The following BTBD8 variants were observed in gnomAD, a reference collection of about 807,000 sequenced individuals.
BTBD8 encodes the protein BTB/POZ domain-containing protein 8.
Under a neutral mutation model 162.9 loss-of-function variants are expected in BTBD8, and 110 were observed. That is an observed-to-expected ratio of 0.68 (90% confidence interval 0.58 to 0.79). BTBD8 has a LOEUF of 0.79. BTBD8 is among the 30% of genes least tolerant of loss of function. The pLI is 0.00. For missense variants in BTBD8, 1,905 were observed against 2,085.4 expected, an observed-to-expected ratio of 0.91 and a Z score of 1.68; for synonymous variants, 667 against 716.1, an observed-to-expected ratio of 0.93 and a Z score of 1.10.
intron 13 of BTBD8, among the ~76,000 whole-genome samples, chr1:92,172,094 A>G (rs541608674): frequency 6.6e-6 from 1 of 151,678 alleles, no homozygotes; most frequent in East Asian, 1.9e-4. Context: ...TCCATCTCAA[A>G]CAAAAAAAAA....
intron 2 of BTBD8, among the ~76,000 whole-genome samples, chr1:92,093,550 T>C (rs1345808841): frequency 6.6e-6 from 1 of 152,200 alleles, no homozygotes; most frequent in African/African-American, 2.4e-5. Context: ...AGAGTTGTTA[T>C]AAGAACAAGC....
At position 92,176,950 on chromosome 1, in the gene BTBD8, C is replaced by T. The variant is rs1252619073; in HGVS notation, c.1757C>T (p.Ala586Val). The change falls in exon 14 of 18, where the codon GCA becomes GTA. Residue 586 changes from alanine to valine, a missense_variant. Physicochemically the swap from Ala to Val is moderately conservative, Grantham distance 64. Coordinates refer to ENST00000636805, the MANE Select transcript of BTBD8 (RefSeq NM_001376131.1). ...NKKMKSDGLGASGHSSSTNRN... is the reference protein window; with the variant it reads ...NKKMKSDGLGVSGHSSSTNRN... ...AAGATGAAATCTGATGGATTAGGAG[C>T]ATCTGGACATTCGTCAAGTACCAAT... 1.3e-6 allele frequency: 2 copies of T among 1,544,180 alleles called. No homozygotes were observed. Among genetic ancestry groups the T allele is most frequent in the Admixed American group, 4.0e-5 (2 of 50,134 alleles).
rs1650426116 is a variant in BTBD8 at position 92,167,924 on chromosome 1, A to G, written c.1382A>G (p.Asn461Ser). ...KAIEENITTENSCSLLMALDT... is the reference protein window; with the variant it reads ...KAIEENITTESSCSLLMALDT... ...ATTGAAGAAAATATCACCACTGAAAATAGCTGCTCTCTTCTTATGGCTCTG... is the reference window on the plus strand; with the variant it reads ...ATTGAAGAAAATATCACCACTGAAAGTAGCTGCTCTCTTCTTATGGCTCTG... Residue 461 changes from asparagine (N) to serine (S), a missense_variant, in exon 11 of 18, where the codon AAT (asparagine) becomes AGT (serine). By Grantham distance (46) the Asn-to-Ser change is conservative. Coordinates refer to ENST00000636805, the MANE Select transcript of BTBD8 (RefSeq NM_001376131.1). 6.4e-7 allele frequency: 1 copy of G among 1,551,052 alleles called. No homozygotes were observed.
At chr1:92,142,868 C>T (rs1199279175) in intron 7 of BTBD8, among the ~76,000 whole-genome samples, 1 of 152,242 alleles carries the variant, frequency 6.6e-6, no homozygotes, top group Non-Finnish European at 1.5e-5. Context: ...CTACTACCAT[C>T]TTGGTCTCTG....
chr1:92,120,062 G>A (rs1314980248), intron 4 of BTBD8, among the ~76,000 whole-genome samples: 3 of 151,416 alleles, frequency 2.0e-5, no homozygotes, highest in African/African-American at 7.3e-5. Context: ...CACCACGCCC[G>A]GCTAATTTTT....
At chr1:92,160,424 G>C (rs1012248167) in intron 9 of BTBD8, among the ~76,000 whole-genome samples, 1 of 151,826 alleles carries the variant, frequency 6.6e-6, no homozygotes, top group African/African-American at 2.4e-5. Flanking sequence ...GACTCTCTTT[G>C]TATCTGCACA....
chr1:92,184,426 TTTAATA>T lies in BTBD8; in HGVS notation c.*99_*104del, dbSNP rs1238419621. 3 of 735,454 alleles carry T rather than the reference TTTAATA, an allele frequency of 4.1e-6. No homozygotes were observed. Among genetic ancestry groups the T allele is most frequent in the Non-Finnish European group, 6.5e-6 (3 of 461,648 alleles). 45.6% of individuals were successfully genotyped at this position (735,454 alleles called of 1,614,324 possible). A position where few individuals can be genotyped will look rare whatever the true frequency, so the allele number is the denominator to read the frequency against. On this transcript the variant is annotated 3_prime_UTR_variant, in exon 18 of 18. Coordinates refer to ENST00000636805, the MANE Select transcript of BTBD8 (RefSeq NM_001376131.1). The stretch of plus-strand genomic sequence containing the variant: ...TTGCATTAGCCGGATATAAACTTTC[TTTAATA>T]TTGAGTCTTTCCAATTTAATGAGGT...
intron 4 of BTBD8, among the ~76,000 whole-genome samples, chr1:92,119,851 C>T (rs1464465730): frequency 6.9e-6 from 1 of 145,194 alleles, no homozygotes; most frequent in African/African-American, 2.6e-5. Flanking sequence ...TCATGATCTG[C>T]CCGAGGGATT....
chr1:92,173,421 G>A (rs556939424), intron 13 of BTBD8, among the ~76,000 whole-genome samples: 2 of 152,264 alleles, frequency 1.3e-5, no homozygotes, highest in East Asian at 3.9e-4. Flanking sequence ...GGTGCACTAG[G>A]ACATTTTTTT....
Position 92,176,968 on chromosome 1 carries a change from G to A in BTBD8, c.1775G>A (p.Ser592Asn). 1 of 1,547,614 alleles carries A rather than the reference G, an allele frequency of 6.5e-7. No individual in the cohort carries two copies. The highest frequency in any genetic ancestry group is 8.7e-7 in the Non-Finnish European group (1 of 1,145,014). Reference sequence around the variant, plus strand: ...TTAGGAGCATCTGGACATTCGTCAAGTACCAATAGAAATAGTATAAATAAA... The same window carrying A: ...TTAGGAGCATCTGGACATTCGTCAAATACCAATAGAAATAGTATAAATAAA... The part of the protein sequence containing the change: ...DGLGASGHSS[S>N]TNRNSINKTL... The change falls in exon 14 of 18, where the codon AGT becomes AAT. Residue 592 changes from serine to asparagine, a missense_variant. This residue lies in a region of BTBD8 where 1,374 missense variants were observed against 1,442.7 expected (regional missense o/e 0.95). Coordinates refer to ENST00000636805, the MANE Select transcript of BTBD8 (RefSeq NM_001376131.1).
At chr1:92,144,859 A>G (rs1649872586) in intron 7 of BTBD8, among the ~76,000 whole-genome samples, 1 of 151,874 alleles carries the variant, frequency 6.6e-6, no homozygotes, top group Non-Finnish European at 1.5e-5. Flanking sequence ...ACACACGTAT[A>G]TATTTTATAT....
At chr1:92,119,287 CTTTT>C (rs905843721) in intron 4 of BTBD8, among the ~76,000 whole-genome samples, 4 of 132,868 alleles carry the variant, frequency 3.0e-5, no homozygotes, top group Non-Finnish European at 4.9e-5. Context: ...TTCTTTTTTT[CTTTT>C]TTTTTTTTTT....
Position 92,182,568 on chromosome 1 carries a change from G to C in BTBD8, c.4885G>C (p.Glu1629Gln). 2.7e-6 allele frequency: 4 copies of C among 1,507,148 alleles called. No individual in the cohort carries two copies. The South Asian group carries it at 5.3e-5, about 20-fold the overall frequency. 93.4% of individuals were successfully genotyped at this position (1,507,148 alleles called of 1,614,324 possible). A position where few individuals can be genotyped will look rare whatever the true frequency, so the allele number is the denominator to read the frequency against. The change falls in exon 17 of 18, where the codon GAA (glutamate) becomes CAA (glutamine). Residue 1629 changes from glutamate (E) to glutamine (Q), a missense_variant. Coordinates refer to ENST00000636805, the MANE Select transcript of BTBD8 (RefSeq NM_001376131.1). Reference protein sequence around the residue: ...PVKESHSTTTEKANIALSAGD... With the variant: ...PVKESHSTTTQKANIALSAGD... Reference sequence around the variant, plus strand: ...GAAAGAGAGCCATTCTACAACTACTGAAAAAGCTAATATTGCTTTATCTGC... The same window carrying C: ...GAAAGAGAGCCATTCTACAACTACTCAAAAAGCTAATATTGCTTTATCTGC...
chr1:92,090,261 A>G (rs1465239622), intron 2 of BTBD8, among the ~76,000 whole-genome samples: 3 of 151,208 alleles, frequency 2.0e-5, no homozygotes, highest in Admixed American at 6.6e-5. Flanking sequence ...CCCACTAGCA[A>G]TGTACAAGGG....
Position 92,167,928 on chromosome 1 carries a change from C to T in BTBD8, c.1386C>T (p.Ser462=), listed in dbSNP as rs756464307. 2.6e-6 allele frequency: 4 copies of T among 1,550,638 alleles called. No individual in the cohort carries two copies. The South Asian group carries it at 4.8e-5, about 18-fold the overall frequency. Reference sequence around the variant, plus strand: ...AAGAAAATATCACCACTGAAAATAGCTGCTCTCTTCTTATGGCTCTGGACA... The same window carrying T: ...AAGAAAATATCACCACTGAAAATAGTTGCTCTCTTCTTATGGCTCTGGACA... The part of the protein sequence containing the change: ...AIEENITTEN[S]CSLLMALDTL... Residue 462 remains serine (S), a synonymous_variant, in exon 11 of 18, where the codon AGC becomes AGT. Coordinates refer to ENST00000636805, the MANE Select transcript of BTBD8 (RefSeq NM_001376131.1).
At chr1:92,083,976 T>A (rs1474736361) in intron 1 of BTBD8, among the ~76,000 whole-genome samples, 1 of 152,178 alleles carries the variant, frequency 6.6e-6, no homozygotes, top group East Asian at 1.9e-4. Flanking sequence ...TCCAGCAAGC[T>A]ATATCCAGGA....
At chr1:92,105,846 C>T (rs1486549638) in intron 3 of BTBD8, among the ~76,000 whole-genome samples, 1 of 152,272 alleles carries the variant, frequency 6.6e-6, no homozygotes, top group Non-Finnish European at 1.5e-5. Context: ...ACAGAAATGG[C>T]TTGATTGGTT....
At chr1:92,131,454 T>C (rs1384572453) in intron 5 of BTBD8, among the ~76,000 whole-genome samples, 1 of 152,210 alleles carries the variant, frequency 6.6e-6, no homozygotes, top group African/African-American at 2.4e-5. Context: ...GCGGGCACGG[T>C]GGCTCCCACC....
intron 4 of BTBD8, chr1:92,126,359 G>A (rs3851272): frequency 0.65 from 412,045 of 633,222 alleles, 136,479 homozygotes; most frequent in East Asian, 0.97. Flanking sequence ...ATGGCCCCTT[G>A]AAGTACATTA....
Sources: gnomAD v4.1 joint callset for allele counts (sites outside exome capture counted in the v4.1 genomes callset) on GRCh38, gnomAD v4.1.1 for gene constraint, gnomAD v4.1.1 regional missense constraint, MANE v1.5 for transcripts, NCBI Gene and HGNC (gene_info 2026-07-23, HGNC 2026-07-21) for gene names.